The following ANO3 variants were observed in gnomAD, a reference collection of about 807,000 sequenced individuals.
The protein encoded by ANO3 is anoctamin-3.
Under a neutral mutation model 144.8 loss-of-function variants are expected in ANO3, and 99 were observed. That is an observed-to-expected ratio of 0.68 (90% CI 0.58 to 0.81). The LOEUF (loss-of-function observed/expected upper bound fraction) is 0.81. ANO3 is among the 30% of genes least tolerant of loss of function. The probability of loss-of-function intolerance (pLI) is 0.00; values close to 1 mark genes in which losing one functional copy is unlikely to be tolerated. For missense variants in ANO3, 905 were observed against 1,202.2 expected (o/e 0.75, Z 3.66); for synonymous variants, 414 against 392.6 (o/e 1.05, Z -0.64).
Position 26,364,543 on chromosome 11 carries a change from T to C in ANO3, c.46+32222T>C, listed in dbSNP as rs144600019. Among the ~76,000 whole-genome samples the C allele has an allele frequency of 1.8e-3, 279 of 152,278 alleles. 1 individual carries two copies. Among genetic ancestry groups the C allele is most frequent in the African/African-American group, 6.3e-3 (260 of 41,568 alleles). The stretch of plus-strand genomic sequence containing the variant: ...AGCATGGCTTTGGAATCTGTTCTGC[T>C]TCTGGTGAGGCCTAAGGGAGCTTTC... On this transcript the variant is annotated intron_variant, in intron 1 of 26. Transcript: ENST00000256737.
At chr11:26,394,804 G>C (rs1489288476) in intron 1 of ANO3, among the ~76,000 whole-genome samples, 1 of 151,898 alleles carries the variant, frequency 6.6e-6, no homozygotes, top group Non-Finnish European at 1.5e-5. Flanking sequence ...TTGAACTCCT[G>C]ACCTAAGGTG....
At chr11:26,525,282 GGGAT>G (rs912929440) in intron 6 of ANO3, among the ~76,000 whole-genome samples, 11 of 152,056 alleles carry the variant, frequency 7.2e-5, no homozygotes, top group African/African-American at 2.2e-4. Flanking sequence ...AATGGAAGGA[GGGAT>G]GGATGGATGG....
In ANO3 at chr11:26,247,831, T is replaced by C. The variant is rs1242411714; in HGVS notation, c.154+58501T>C. The stretch of plus-strand genomic sequence containing the variant: ...GCAACATCTGCCTCCCAGGTTCAAG[T>C]GATTCTCCTTGCCTCAGCCTCCCGA... On this transcript the variant is annotated intron_variant, in intron 1 of 27. Coordinates refer to the ANO3 transcript ENST00000672621. Among the ~76,000 whole-genome samples, 4 of 147,958 alleles carry C rather than the reference T, an allele frequency of 2.7e-5. No individual in the cohort carries two copies. The East Asian group carries it at 8.4e-4, about 31-fold the overall frequency.
intron 1 of ANO3, among the ~76,000 whole-genome samples, chr11:26,207,246 GTAAA>G (rs763635023): frequency 2.0e-5 from 3 of 152,086 alleles, no homozygotes; most frequent in East Asian, 1.9e-4. Flanking sequence ...AGGAGAAAAA[GTAAA>G]TAAATAAGTA....
chr11:26,234,048 A>T (rs1852461629), intron 1 of ANO3, among the ~76,000 whole-genome samples: 1 of 152,196 alleles, frequency 6.6e-6, no homozygotes, highest in African/African-American at 2.4e-5. Flanking sequence ...CCACCATTGC[A>T]TCTGTATACC....
intron 1 of ANO3, among the ~76,000 whole-genome samples, chr11:26,414,339 C>T (rs2133989628): frequency 6.6e-6 from 1 of 152,132 alleles, no homozygotes; most frequent in Non-Finnish European, 1.5e-5. Flanking sequence ...TGCAACCAAC[C>T]TAAATGCCTA....
chr11:26,484,244 G>A (rs117688485), intron 4 of ANO3, among the ~76,000 whole-genome samples: 3,359 of 152,272 alleles, frequency 0.022, 62 homozygotes, highest in Non-Finnish European at 0.036. Context: ...CTTGGGGGGA[G>A]TTCAAGCTGG....
chr11:26,563,438 A>G (rs933620596), intron 14 of ANO3, among the ~76,000 whole-genome samples: 1 of 136,508 alleles, frequency 7.3e-6, no homozygotes, highest in Non-Finnish European at 1.6e-5. Context: ...TGTGTCTTGT[A>G]AAGTACTATT....
intron 1 of ANO3, among the ~76,000 whole-genome samples, chr11:26,390,268 A>T (rs1017003364): frequency 6.6e-6 from 1 of 152,136 alleles, no homozygotes; most frequent in African/African-American, 2.4e-5. Context: ...TATTGGATAG[A>T]TATTAAGCTC....
At chr11:26,378,897 T>TC (rs1856495694) in intron 1 of ANO3, among the ~76,000 whole-genome samples, 1 of 151,694 alleles carries the variant, frequency 6.6e-6, no homozygotes, top group African/African-American at 2.4e-5. Context: ...AGGCTAAGTT[T>TC]TTTTTTAAGA....
chr11:26,368,824 C>A (rs973910192), intron 1 of ANO3, among the ~76,000 whole-genome samples: 2 of 151,282 alleles, frequency 1.3e-5, no homozygotes, highest in African/African-American at 4.9e-5. Context: ...TTGTTTTTTT[C>A]AAGTACTCTA....
chr11:26,191,574 G>C (rs895924677), intron 1 of ANO3, among the ~76,000 whole-genome samples: 2 of 152,092 alleles, frequency 1.3e-5, no homozygotes, highest in African/African-American at 4.8e-5. Flanking sequence ...CAATGATTCT[G>C]TATAACCTGT....
At chr11:26,553,181 C>A (rs1849982142) in intron 12 of ANO3, 68 bp from the exon 13 acceptor site, 2 of 1,148,850 alleles carry the variant, frequency 1.7e-6, no homozygotes, top group Admixed American at 1.8e-5. Context: ...GCTGTAGGGG[C>A]TAAGTGAATT....
chr11:26,641,808 G>C, intron 21 of ANO3, 88 bp from the exon 22 acceptor site: 2 of 1,304,212 alleles, frequency 1.5e-6, no homozygotes, highest in African/African-American at 3.0e-5. Flanking sequence ...AGCTGGAATT[G>C]GTTTTACTCA....
At chr11:26,276,558 T>C (rs1333879933) in intron 1 of ANO3, among the ~76,000 whole-genome samples, 1 of 152,112 alleles carries the variant, frequency 6.6e-6, no homozygotes, top group Non-Finnish European at 1.5e-5. Flanking sequence ...TAAACTTCCA[T>C]AAAATGGATA....
intron 4 of ANO3, among the ~76,000 whole-genome samples, chr11:26,483,895 T>G (rs1297676533): frequency 6.6e-6 from 1 of 152,156 alleles, no homozygotes; most frequent in African/African-American, 2.4e-5. Context: ...ACTGATATCA[T>G]CAATGAAGTC....
intron 1 of ANO3, among the ~76,000 whole-genome samples, chr11:26,265,721 G>T (rs536012527): frequency 6.6e-6 from 1 of 152,246 alleles, no homozygotes; most frequent in South Asian, 2.1e-4. Context: ...CGTAATGGTG[G>T]CTCAAGACTT....
intron 14 of ANO3, among the ~76,000 whole-genome samples, chr11:26,564,724 CACACACACATATATATAT>C (rs1446638676): frequency 8.9e-4 from 51 of 57,334 alleles, no homozygotes; most frequent in Admixed American, 1.9e-3. Context: ...CACACACACA[CACACACACATATATATAT>C]ATATATATAT....
At chr11:26,349,038 A>G (rs1490138573) in intron 1 of ANO3, among the ~76,000 whole-genome samples, 2 of 152,222 alleles carry the variant, frequency 1.3e-5, no homozygotes, top group Non-Finnish European at 2.9e-5. Context: ...ACGTAAGCAC[A>G]GAGGTTTATG....
Sources: allele counts gnomAD v4.1 joint callset (sites outside exome capture counted in the v4.1 genomes callset), GRCh38; gene constraint gnomAD v4.1.1; transcripts MANE v1.5; gene names NCBI Gene and HGNC (gene_info 2026-07-23, HGNC 2026-07-21).